INF2: variants seen among roughly 807,000 people sequenced by gnomAD.
INF2 encodes inverted formin-2.
In INF2, 43 loss-of-function variants were observed where a neutral mutation model predicts 123.5. That is an observed-to-expected ratio of 0.35 (90% CI 0.27 to 0.45). INF2 has a LOEUF of 0.45. Ranked by LOEUF, INF2 falls within the 20% of genes least tolerant of loss-of-function variation. INF2 has a pLI of 1.00. For missense variants in INF2, 1,453 were observed against 1,682.7 expected, an observed-to-expected ratio of 0.86 and a Z score of 2.39; for synonymous variants, 851 against 745.0, an observed-to-expected ratio of 1.14 and a Z score of -2.32.
At position 104,711,022 on chromosome 14, in the gene INF2, G is replaced by A. The variant is rs752070425; in HGVS notation, c.2310+15G>A. On this transcript the variant is annotated intron_variant, in intron 14 of 22. Coordinates refer to ENST00000392634, the MANE Select transcript of INF2 (RefSeq NM_022489.4). Reference sequence around the variant, plus strand: ...TCCTCAACTACGTAAGTCAGGGGCAGCTCCCCATCCCACCTGGTGCCAGGG... The same window carrying A: ...TCCTCAACTACGTAAGTCAGGGGCAACTCCCCATCCCACCTGGTGCCAGGG... The A allele has an allele frequency of 1.9e-6, 3 of 1,611,484 alleles. No homozygotes were observed. Among genetic ancestry groups the A allele is most frequent in the African/African-American group, 2.7e-5 (2 of 74,826 alleles).
chr14:104,718,897 C>T lies in INF2; in HGVS notation c.*104C>T. 6.4e-7 allele frequency: 1 copy of T among 1,556,510 alleles called. No individual in the cohort carries two copies. Among genetic ancestry groups the T allele is most frequent in the Non-Finnish European group, 8.6e-7 (1 of 1,158,610 alleles). ...TCTGGGGGCCAGGCTGGGACTGGGC[C>T]CCGGAAACCAAAACTCCGTGCCTTA... On this transcript the variant is annotated 3_prime_UTR_variant, in exon 23 of 23. Coordinates refer to ENST00000392634, the MANE Select transcript of INF2 (RefSeq NM_022489.4).
rs751680413 is a variant in INF2, at chr14:104,715,348, C to T, written c.*1+8C>T. The T allele has an allele frequency of 9.9e-6, 16 of 1,612,404 alleles. No individual in the cohort carries two copies. The highest frequency in any genetic ancestry group is 6.7e-5 in the African/African-American group (5 of 74,922). On this transcript the variant is annotated splice_region_variant and intron_variant, in intron 22 of 22. Transcript: ENST00000392634. Reference sequence around the variant, plus strand: ...TGTGTGTGATCCAGTAAGGTATGTACGCAGCCGGCGCTCCGTGGGGGCTAA... The same window carrying T: ...TGTGTGTGATCCAGTAAGGTATGTATGCAGCCGGCGCTCCGTGGGGGCTAA...
rs1889594176 is a variant in INF2, at chr14:104,702,857, A to G, written c.392-248A>G. On this transcript the variant is annotated intron_variant, in intron 2 of 22. Transcript: ENST00000392634. ...AGAAAAGCTGGGCCCAGAGCCAGTG[A>G]CAGGATGGGGCAGCTGCCTCCAAGC... is the stretch of plus-strand genomic sequence containing the variant. Among the ~76,000 whole-genome samples the G allele has an allele frequency of 2.6e-5, 4 of 152,228 alleles. No homozygotes were observed. In the South Asian group the frequency reaches 8.3e-4, roughly 32 times the overall value.
chr14:104,698,390 G>A (rs1458732535), intron 1 of INF2, among the ~76,000 whole-genome samples: 3 of 152,238 alleles, frequency 2.0e-5, no homozygotes, highest in East Asian at 1.9e-4. Context: ...GCAGGGAGTC[G>A]GCCACCGCCA....
At chr14:104,683,891 C>T (rs550400473) in intron 1 of INF2, among the ~76,000 whole-genome samples, 9 of 152,286 alleles carry the variant, frequency 5.9e-5, no homozygotes, top group African/African-American at 2.2e-4. Flanking sequence ...AGAAGCAGAG[C>T]AAGTCAGAAC....
upstream of INF2, chr14:104,689,587 T>TGCAACCCCCCCC: frequency 2.3e-6 from 2 of 851,068 alleles, no homozygotes; most frequent in South Asian, 5.4e-5. Flanking sequence ...CACCTCCTCT[T>TGCAACCCCCCCC]CCTCCCGCCC....
intron 1 of INF2, among the ~76,000 whole-genome samples, chr14:104,692,251 G>C (rs554708974): frequency 4.0e-4 from 61 of 152,364 alleles, no homozygotes; most frequent in Admixed American, 1.2e-3. Context: ...TCCTGCAGGA[G>C]CGTTCATTTC....
At position 104,707,527 on chromosome 14, in the gene INF2, C is replaced by T. The variant is rs1889836310; in HGVS notation, c.1260C>T (p.Thr420=). The part of the protein sequence containing the change: ...QPRALEQQAS[T]PPPPPPPPLL... ...GAGCCCTGGAGCAGCAGGCGTCCACCCCACCCCCACCCCCACCCCCACCCC... is the reference window on the plus strand; with the variant it reads ...GAGCCCTGGAGCAGCAGGCGTCCACTCCACCCCCACCCCCACCCCCACCCC... Residue 420 remains threonine (T), a synonymous_variant, in exon 8 of 23, where the codon ACC becomes ACT. Coordinates refer to ENST00000392634, the MANE Select transcript of INF2 (RefSeq NM_022489.4). 2.3e-6 allele frequency: 2 copies of T among 866,624 alleles called. No individual in the cohort carries two copies. Among genetic ancestry groups the T allele is most frequent in the Admixed American group, 2.9e-5 (1 of 34,368 alleles). The allele number at this position is 866,624 out of a possible 1,614,324, so 53.7% of individuals were successfully genotyped here. A position where few individuals can be genotyped will look rare whatever the true frequency, so the allele number is the denominator to read the frequency against.
At position 104,708,431 on chromosome 14, in the gene INF2, G is replaced by C. The variant is rs751574571; in HGVS notation, c.1736-5G>C. ...AGCCTCACTGGCCGTGTCCCCACCCGACAGAGCACAACTCTATGTGGGCGT... is the reference window on the plus strand; with the variant it reads ...AGCCTCACTGGCCGTGTCCCCACCCCACAGAGCACAACTCTATGTGGGCGT... On this transcript the variant is annotated splice_polypyrimidine_tract_variant and splice_region_variant and intron_variant, in intron 8 of 22. Coordinates refer to ENST00000392634, the MANE Select transcript of INF2 (RefSeq NM_022489.4). 6 of 1,611,426 alleles carry C rather than the reference G, an allele frequency of 3.7e-6. No individual in the cohort carries two copies. The highest frequency in any genetic ancestry group is 1.1e-5 in the South Asian group (1 of 91,042).
At position 104,711,116 on chromosome 14, in the gene INF2, G is replaced by A; in HGVS notation, c.2348G>A (p.Ser783Asn). 2 of 1,585,328 alleles carry A rather than the reference G, an allele frequency of 1.3e-6. No homozygotes were observed. The highest frequency in any genetic ancestry group is 1.7e-6 in the Non-Finnish European group (2 of 1,167,206). ...GGTGACGCCGACGGCTTCAAGATCAGCACATTGCTGAAGCTCACGGAGACC... is the reference window on the plus strand; with the variant it reads ...GGTGACGCCGACGGCTTCAAGATCAACACATTGCTGAAGCTCACGGAGACC... ...HTGDADGFKI[S>N]TLLKLTETKS... Residue 783 changes from serine (S) to asparagine (N), a missense_variant, in exon 15 of 23, where the codon AGC becomes AAC. This residue lies in a region of INF2 where 31 missense variants were observed against 86.0 expected (regional missense o/e 0.36). Coordinates refer to ENST00000392634, the MANE Select transcript of INF2 (RefSeq NM_022489.4).
At chr14:104,705,144 C>T (rs1400270843) in intron 5 of INF2, among the ~76,000 whole-genome samples, 5 of 152,168 alleles carry the variant, frequency 3.3e-5, no homozygotes, top group Non-Finnish European at 7.3e-5. Context: ...GGGCCAGGCG[C>T]GGTGGCTCAC....
At chr14:104,716,759 G>T (rs558920439) in intron 22 of INF2, among the ~76,000 whole-genome samples, 31 of 152,272 alleles carry the variant, frequency 2.0e-4, no homozygotes, top group Admixed American at 5.2e-4. Flanking sequence ...GGTGCGATCT[G>T]AGCTCACAGC....
chr14:104,699,428 C>G lies in INF2; in HGVS notation c.-9-1929C>G. 1.0e-6 allele frequency: 1 copy of G among 985,336 alleles called. No homozygotes were observed. Among genetic ancestry groups the G allele is most frequent in the Non-Finnish European group, 1.2e-6 (1 of 829,922 alleles). The allele number at this position is 985,336 out of a possible 1,614,324, so 61.0% of individuals were successfully genotyped here. On this transcript the variant is annotated intron_variant, in intron 1 of 22. Transcript: ENST00000392634. This position sits in a 1 kb window ranked among gnomAD's most constrained non-coding sequence, Gnocchi z 4.7. The stretch of plus-strand genomic sequence containing the variant: ...GCTCTTCATGGTGGTGGGAGCAACC[C>G]TACTGCCACCAGGAGGGGCGTTGGG...
Position 104,712,891 on chromosome 14 carries a change from G to A in INF2, c.2674G>A (p.Glu892Lys). The change falls in exon 18 of 23, where the codon GAG (glutamate) becomes AAG (lysine). Residue 892 changes from glutamate (E) to lysine (K), a missense_variant. Transcript: ENST00000392634. ...LFEAIEQKQR[E>K]LADYLCEDAQ... is the part of the protein sequence containing the mutation. The stretch of plus-strand genomic sequence containing the variant: ...TGAGGCCATCGAGCAGAAGCAACGG[G>A]AGCTGGCCGACTACCTGTGTGAGGA... The A allele has an allele frequency of 6.2e-7, 1 of 1,612,702 alleles. No individual in the cohort carries two copies.
intron 15 of INF2, 91 bp from the exon 16 acceptor site, chr14:104,711,538 C>A: frequency 8.5e-7 from 1 of 1,173,272 alleles, no homozygotes; most frequent in East Asian, 2.4e-5. Flanking sequence ...ACCTTAATTG[C>A]TAAGGGTTAG....
chr14:104,687,205 C>A (rs1193299323), upstream of INF2, among the ~76,000 whole-genome samples: 1 of 152,014 alleles, frequency 6.6e-6, no homozygotes, highest in Non-Finnish European at 1.5e-5. This position sits in a 1 kb window ranked among gnomAD's most constrained non-coding sequence, Gnocchi z 5.6. Flanking sequence ...CCAAATCGGT[C>A]CTCTCTTCAA....
chr14:104,685,834 C>T (rs560162805), upstream of INF2, among the ~76,000 whole-genome samples: 92 of 67,240 alleles, frequency 1.4e-3, 1 homozygote, highest in African/African-American at 5.1e-3. Flanking sequence ...GTGGGTAGGC[C>T]GATGGGTAAG....
chr14:104,688,610 CCA>C (rs1888762623), upstream of INF2, among the ~76,000 whole-genome samples: 1 of 152,108 alleles, frequency 6.6e-6, no homozygotes, highest in South Asian at 2.1e-4. Context: ...AACTGAGGCT[CCA>C]CAGAGTCATA....
chr14:104,715,577 G>A (rs1566787214), intron 22 of INF2: 4 of 609,212 alleles, frequency 6.6e-6, no homozygotes, highest in South Asian at 5.7e-5. Context: ...CAACCTCAGT[G>A]CTGGCCCCGG....
Sources: gnomAD v4.1 joint callset for allele counts (sites outside exome capture counted in the v4.1 genomes callset) on GRCh38, gnomAD v4.1.1 for gene constraint, gnomAD v4.1.1 regional missense constraint, Gnocchi (gnomAD v3.1) non-coding constraint, MANE v1.5 for transcripts, NCBI Gene and HGNC (gene_info 2026-07-23, HGNC 2026-07-21) for gene names.